Variants in GRHL1 observed in about 807,000 individuals in gnomAD.
The protein encoded by GRHL1 is grainyhead like transcription factor 1, also known as grainyhead-like protein 1 homolog.
In GRHL1, 38 loss-of-function variants were observed where a neutral mutation model predicts 75.7. The observed-to-expected ratio is 0.50, with a 90% CI of 0.39 to 0.66. The LOEUF (loss-of-function observed/expected upper bound fraction) is 0.66, where lower values mean the gene tolerates loss of function less well. Ranked by LOEUF, GRHL1 falls within the 30% of genes least tolerant of loss-of-function variation. The probability of loss-of-function intolerance (pLI) is 0.00; values close to 1 mark genes in which losing one functional copy is unlikely to be tolerated. For missense variants in GRHL1, 589 were observed against 767.5 expected, an observed-to-expected ratio of 0.77 and a Z score of 2.75; for synonymous variants, 266 against 279.4, an observed-to-expected ratio of 0.95 and a Z score of 0.48.
chr2:9,955,100 A>G lies in GRHL1; in HGVS notation c.206A>G (p.Lys69Arg). 3 of 1,607,888 alleles carry G rather than the reference A, an allele frequency of 1.9e-6. No homozygotes were observed. Among genetic ancestry groups the G allele is most frequent in the Non-Finnish European group, 2.6e-6 (3 of 1,176,118 alleles). The change falls in exon 2 of 16, where the codon AAG becomes AGG. Residue 69 changes from lysine to arginine, a missense_variant and splice_region_variant. Physicochemically the swap from Lys to Arg is conservative, Grantham distance 26 (BLOSUM62 2). Transcript: ENST00000324907. ...AALGLLYDYYKVPRERRSSTA... is the reference protein window; with the variant it reads ...AALGLLYDYYRVPRERRSSTA... ...CTGGGCCTGCTCTATGACTACTACA[A>G]GGTGGGTTTGCCTGCCTTTAAAACC...
intron 4 of GRHL1, among the ~76,000 whole-genome samples, chr2:9,961,847 T>G (rs966449222): frequency 6.6e-6 from 1 of 152,154 alleles, no homozygotes; most frequent in African/African-American, 2.4e-5. Context: ...GTTGGTAATG[T>G]AGTCAGGGAG....
intron 15 of GRHL1, among the ~76,000 whole-genome samples, chr2:9,999,608 C>T (rs139964616): frequency 1.3e-5 from 2 of 152,364 alleles, no homozygotes; most frequent in African/African-American, 4.8e-5. Flanking sequence ...CCTGCCTCTG[C>T]AGCCCATGCC....
At chr2:9,980,086 A>G (rs1668133308) in intron 8 of GRHL1, among the ~76,000 whole-genome samples, 1 of 151,838 alleles carries the variant, frequency 6.6e-6, no homozygotes, top group Non-Finnish European at 1.5e-5. Flanking sequence ...ATTGATTCTC[A>G]GTTACTTTCC....
intron 2 of GRHL1, among the ~76,000 whole-genome samples, chr2:9,957,689 G>A (rs899364469): frequency 7.6e-4 from 116 of 152,298 alleles, no homozygotes; most frequent in Non-Finnish European, 2.6e-4. Flanking sequence ...GATTACAGGC[G>A]TGAGCCACCG....
chr2:9,957,993 A>C (rs1667107269), intron 2 of GRHL1, among the ~76,000 whole-genome samples: 1 of 152,118 alleles, frequency 6.6e-6, no homozygotes, highest in Non-Finnish European at 1.5e-5. Flanking sequence ...CCTCATTTGG[A>C]TCTTAGAAGA....
chr2:9,972,759 T>G (rs1195247494), intron 8 of GRHL1, among the ~76,000 whole-genome samples: 2 of 152,210 alleles, frequency 1.3e-5, no homozygotes, highest in Admixed American at 1.3e-4. Context: ...TTGTACTTGT[T>G]TGGAACAACA....
In GRHL1 at chr2:10,000,706, A is replaced by G; in HGVS notation, c.1856A>G (p.Ter619=). The G allele has an allele frequency of 6.4e-7, 1 of 1,559,810 alleles. No homozygotes were observed. Among genetic ancestry groups the G allele is most frequent in the South Asian group, 1.1e-5 (1 of 89,718 alleles). ...GSYKLTLTEI[*] is the part of the protein sequence containing the mutation. ...TACAAGCTCACCCTGACGGAGATCT[A>G]AAGGCCTGCGGGCCACAGCTCCCCA... The change falls in exon 16 of 16, where the codon TAA becomes TGA. Residue 619 remains the stop codon, a stop_retained_variant. Coordinates refer to ENST00000324907, the MANE Select transcript of GRHL1 (RefSeq NM_198182.3).
intron 10 of GRHL1, 57 bp from the exon 11 acceptor site, chr2:9,991,950 G>T: frequency 2.1e-6 from 3 of 1,396,346 alleles, no homozygotes; most frequent in South Asian, 2.6e-5. Flanking sequence ...CCTGCATCCA[G>T]TCTGTATGTA....
chr2:9,973,148 A>G (rs1464487767), intron 8 of GRHL1, among the ~76,000 whole-genome samples: 1 of 152,156 alleles, frequency 6.6e-6, no homozygotes, highest in Admixed American at 6.5e-5. Context: ...CCTGAGAAAT[A>G]ACACAAATGC....
At chr2:9,994,819 A>T (rs1668785838) in intron 12 of GRHL1, among the ~76,000 whole-genome samples, 1 of 152,130 alleles carries the variant, frequency 6.6e-6, no homozygotes, top group African/African-American at 2.4e-5. Context: ...CCTGGTAGCC[A>T]GGCGTTCGTT....
At chr2:9,952,004 G>A (rs2303917) in intron 1 of GRHL1, among the ~76,000 whole-genome samples, 151 bp downstream of exon 1, 15,866 of 151,466 alleles carry the variant, frequency 0.1, 820 homozygotes, top group East Asian at 0.12. Context: ...CGCCGCCACG[G>A]CCTTTGCCCC....
At chr2:9,970,030 A>C (rs4613247) in intron 8 of GRHL1, among the ~76,000 whole-genome samples, 21,244 of 151,886 alleles carry the variant, frequency 0.14, 1,894 homozygotes, top group African/African-American at 0.25. Context: ...TTTTTAGTAG[A>C]GACGGGGTTT....
chr2:9,970,133 G>A (rs1053836644), intron 8 of GRHL1, among the ~76,000 whole-genome samples: 5 of 152,208 alleles, frequency 3.3e-5, no homozygotes, highest in South Asian at 2.1e-4. Flanking sequence ...ATGAGCCACC[G>A]TGCCCAGCCA....
At chr2:9,953,794 C>T (rs1666901308) in intron 1 of GRHL1, among the ~76,000 whole-genome samples, 1 of 152,154 alleles carries the variant, frequency 6.6e-6, no homozygotes, top group African/African-American at 2.4e-5. Flanking sequence ...CACCTTTAGG[C>T]CATTTACATA....
intron 12 of GRHL1, among the ~76,000 whole-genome samples, chr2:9,995,116 C>T (rs1052970950): frequency 5.9e-5 from 9 of 152,200 alleles, no homozygotes; most frequent in South Asian, 2.1e-4. Flanking sequence ...AGGACATTCA[C>T]GGTAGAGTCG....
chr2:9,981,628 T>C (rs1668202005), intron 8 of GRHL1, among the ~76,000 whole-genome samples: 1 of 152,226 alleles, frequency 6.6e-6, no homozygotes, highest in Non-Finnish European at 1.5e-5. Flanking sequence ...GATGTGAAAA[T>C]AATGTCGGGC....
intron 8 of GRHL1, among the ~76,000 whole-genome samples, chr2:9,971,856 C>T (rs1003719659): frequency 6.6e-6 from 1 of 152,136 alleles, no homozygotes; most frequent in Non-Finnish European, 1.5e-5. Context: ...AGCTGCTGTT[C>T]TGGGGGTGAT....
chr2:9,974,897 T>C (rs1667883461), intron 8 of GRHL1, among the ~76,000 whole-genome samples: 1 of 152,206 alleles, frequency 6.6e-6, no homozygotes, highest in Non-Finnish European at 1.5e-5. Context: ...TTCTGGTCCA[T>C]ATTGTAAGTG....
At chr2:9,982,627 G>A (rs560944877) in intron 8 of GRHL1, among the ~76,000 whole-genome samples, 1 of 152,164 alleles carries the variant, frequency 6.6e-6, no homozygotes, top group Admixed American at 6.5e-5. Flanking sequence ...CTGAGTTTTC[G>A]GATTCAGTGA....
Sources: allele counts gnomAD v4.1 joint callset (sites outside exome capture counted in the v4.1 genomes callset), GRCh38; gene constraint gnomAD v4.1.1; transcripts MANE v1.5; gene names NCBI Gene and HGNC (gene_info 2026-07-23, HGNC 2026-07-21).